The following LRRC7 variants were observed in gnomAD, a reference collection of about 807,000 sequenced individuals.
LRRC7 encodes the protein leucine rich repeat containing 7.
A neutral mutation model predicts 175.7 loss-of-function variants in LRRC7; 23 were observed. The observed-to-expected ratio is 0.13, with a 90% CI of 0.09 to 0.19. LRRC7 has a LOEUF of 0.19. LRRC7 is among the 10% of genes least tolerant of loss of function. LRRC7 has a pLI of 1.00. For synonymous variants in LRRC7, 685 were observed against 680.9 expected (o/e 1.01, Z -0.09); for missense variants, 1,354 against 1,904.7 (o/e 0.71, Z 5.38).
intron 7 of LRRC7, among the ~76,000 whole-genome samples, chr1:69,904,557 C>A (rs1391419240): frequency 1.6e-5 from 2 of 127,348 alleles, no homozygotes; most frequent in Non-Finnish European, 3.7e-5. Flanking sequence ...ATAAAAATTT[C>A]TTTTTTAGTA....
intron 11 of LRRC7, among the ~76,000 whole-genome samples, chr1:70,010,116 T>C (rs1656367928): frequency 6.6e-6 from 1 of 152,222 alleles, no homozygotes; most frequent in African/African-American, 2.4e-5. Flanking sequence ...TGGTGTTCTG[T>C]ATTTAATTTA....
At chr1:69,993,596 T>C (rs948682491) in intron 10 of LRRC7, among the ~76,000 whole-genome samples, 1 of 147,634 alleles carries the variant, frequency 6.8e-6, no homozygotes, top group African/African-American at 2.7e-5. Context: ...CATTGGTATG[T>C]TAAAAGCTCC....
At chr1:69,574,166 G>C (rs1645851962) in intron 1 of LRRC7, among the ~76,000 whole-genome samples, 1 of 152,106 alleles carries the variant, frequency 6.6e-6, no homozygotes, top group African/African-American at 2.4e-5. Flanking sequence ...AAGAGGTAAA[G>C]TAGTATGAGA....
chr1:69,613,009 A>C (rs1443792437), intron 1 of LRRC7, among the ~76,000 whole-genome samples: 1 of 151,992 alleles, frequency 6.6e-6, no homozygotes, highest in East Asian at 1.9e-4. Flanking sequence ...ACTTTTTTAC[A>C]TGCTACTTCA....
chr1:70,012,665 A>T (rs1334655125), intron 12 of LRRC7, among the ~76,000 whole-genome samples: 1 of 151,714 alleles, frequency 6.6e-6, no homozygotes, highest in Non-Finnish European at 1.5e-5. Context: ...ATTAGTACTC[A>T]CTTCGACAGA....
At chr1:69,639,429 C>T (rs1022975894) in intron 1 of LRRC7, among the ~76,000 whole-genome samples, 3 of 151,788 alleles carry the variant, frequency 2.0e-5, no homozygotes, top group Admixed American at 2.0e-4. Flanking sequence ...AAAAGTGAAA[C>T]ATCAGCCTCA....
At chr1:69,796,266 G>T (rs1675754002) in intron 4 of LRRC7, among the ~76,000 whole-genome samples, 1 of 151,308 alleles carries the variant, frequency 6.6e-6, no homozygotes, top group Admixed American at 6.6e-5. Flanking sequence ...ATGGTTTCCA[G>T]TTTCATCCAT....
At chr1:69,782,022 C>A (rs1426305890) in intron 3 of LRRC7, among the ~76,000 whole-genome samples, 1 of 152,090 alleles carries the variant, frequency 6.6e-6, no homozygotes, top group African/African-American at 2.4e-5. Flanking sequence ...TGAATCTTAG[C>A]TCTGGCACTT....
chr1:69,783,700 C>T (rs1034210518), intron 3 of LRRC7, among the ~76,000 whole-genome samples: 1 of 142,230 alleles, frequency 7.0e-6, no homozygotes, highest in Non-Finnish European at 1.5e-5. Flanking sequence ...TGCAGTGAGC[C>T]GAGATCACGC....
At chr1:70,080,104 C>T (rs750913138) in intron 24 of LRRC7, among the ~76,000 whole-genome samples, 5 of 152,124 alleles carry the variant, frequency 3.3e-5, no homozygotes, top group Admixed American at 6.6e-5. Flanking sequence ...TTAAACCTGC[C>T]TGAACTATAA....
chr1:69,927,454 A>G lies in LRRC7; in HGVS notation c.648-4053A>G, dbSNP rs147528627. On this transcript the variant is annotated intron_variant, in intron 7 of 26. Coordinates refer to ENST00000651989, the MANE Select transcript of LRRC7 (RefSeq NM_001370785.2). The stretch of plus-strand genomic sequence containing the variant: ...TCACTTTCAGGTACACCAGTCAGAC[A>G]TAGATTTGGTCTTTTCACATAGTCC... Among the ~76,000 whole-genome samples, 1,237 of 152,282 alleles carry G rather than the reference A, an allele frequency of 8.1e-3. 15 individuals are homozygous for G. Among genetic ancestry groups the G allele is most frequent in the African/African-American group, 0.027 (1,132 of 41,548 alleles).
intron 3 of LRRC7, among the ~76,000 whole-genome samples, chr1:69,790,853 G>A (rs1213848795): frequency 6.6e-6 from 1 of 151,946 alleles, no homozygotes; most frequent in Non-Finnish European, 1.5e-5. Context: ...TACATGAAGT[G>A]TTACGAATAG....
rs1666651073 is a variant in LRRC7, at chr1:70,131,223, A to T, written c.*9336A>T. Among the ~76,000 whole-genome samples the T allele has an allele frequency of 6.6e-6, 1 of 152,212 alleles. No homozygotes were observed. Among genetic ancestry groups the T allele is most frequent in the Non-Finnish European group, 1.5e-5 (1 of 68,042 alleles). On this transcript the variant is annotated 3_prime_UTR_variant, in exon 27 of 27. Coordinates refer to ENST00000651989, the MANE Select transcript of LRRC7 (RefSeq NM_001370785.2). Reference sequence around the variant, plus strand: ...AAAGTAGAAAGAAAGCATGCTATTTATACTGCCATGATCTTTGGCTTCATT... The same window carrying T: ...AAAGTAGAAAGAAAGCATGCTATTTTTACTGCCATGATCTTTGGCTTCATT...
intron 1 of LRRC7, among the ~76,000 whole-genome samples, chr1:69,577,718 T>C (rs1389690458): frequency 1.3e-5 from 2 of 152,198 alleles, no homozygotes; most frequent in African/African-American, 2.4e-5. Context: ...CTGAGGGCTC[T>C]GTTCTGTTCC....
chr1:70,119,693 G>A (rs888200725), intron 26 of LRRC7, among the ~76,000 whole-genome samples: 4 of 152,024 alleles, frequency 2.6e-5, no homozygotes, highest in Non-Finnish European at 5.9e-5. Context: ...CAAGTATGAT[G>A]ATGAACAACA....
At chr1:69,691,901 A>T (rs1661935493) in intron 2 of LRRC7, among the ~76,000 whole-genome samples, 1 of 151,836 alleles carries the variant, frequency 6.6e-6, no homozygotes, top group Non-Finnish European at 1.5e-5. Flanking sequence ...CATCCAATAG[A>T]TAACTTTCAT....
intron 1 of LRRC7, among the ~76,000 whole-genome samples, chr1:69,583,303 TTTG>T (rs1478222888): frequency 6.6e-6 from 1 of 151,932 alleles, no homozygotes; most frequent in Non-Finnish European, 1.5e-5. Context: ...AAATAAATTT[TTTG>T]TTTTGTTAAT....
chr1:70,084,129 C>T (rs1054292491), intron 24 of LRRC7, among the ~76,000 whole-genome samples: 2 of 152,170 alleles, frequency 1.3e-5, no homozygotes, highest in African/African-American at 4.8e-5. Context: ...CTTTCTTTAG[C>T]TCTGTCATGA....
chr1:69,583,254 G>T (rs1391190281), intron 1 of LRRC7, among the ~76,000 whole-genome samples: 1 of 151,562 alleles, frequency 6.6e-6, no homozygotes, highest in Non-Finnish European at 1.5e-5. Context: ...TAAAACTTTG[G>T]ATTATAACTA....
Sources: gnomAD v4.1 joint callset for allele counts (sites outside exome capture counted in the v4.1 genomes callset) on GRCh38, gnomAD v4.1.1 for gene constraint, MANE v1.5 for transcripts, NCBI Gene and HGNC (gene_info 2026-07-23, HGNC 2026-07-21) for gene names.